GNAO1: variants seen among roughly 807,000 people sequenced by gnomAD.
GNAO1 encodes the protein guanine nucleotide-binding protein G(o) subunit alpha.
For synonymous variants in GNAO1, 164 were observed against 180.7 expected (o/e 0.91, Z 0.74); for missense variants, 166 against 478.7 (o/e 0.35, Z 6.10).
At chr16:56,250,076 G>A (rs2036786138) in intron 2 of GNAO1, among the ~76,000 whole-genome samples, 1 of 152,186 alleles carries the variant, frequency 6.6e-6, no homozygotes, top group South Asian at 2.1e-4. Context: ...AAACCATCAG[G>A]AAGAATTGGT....
intron 2 of GNAO1, among the ~76,000 whole-genome samples, chr16:56,266,846 G>A (rs971568992): frequency 5.3e-5 from 8 of 152,056 alleles, no homozygotes; most frequent in Admixed American, 1.3e-4. Context: ...CTCTTAACAC[G>A]TGCTCAGTAT....
At chr16:56,316,041 CA>C (rs2143617947) in intron 3 of GNAO1, among the ~76,000 whole-genome samples, 1 of 151,892 alleles carries the variant, frequency 6.6e-6, no homozygotes, top group East Asian at 1.9e-4. Flanking sequence ...GCCTGGGCAA[CA>C]AAGTGAGACT....
chr16:56,315,771 C>T (rs2037502840), intron 3 of GNAO1, among the ~76,000 whole-genome samples: 1 of 152,102 alleles, frequency 6.6e-6, no homozygotes, highest in Non-Finnish European at 1.5e-5. Context: ...GGGCCAGGCA[C>T]AGTGGATCAC....
At chr16:56,262,441 T>G (rs1160159088) in intron 2 of GNAO1, among the ~76,000 whole-genome samples, 2 of 152,188 alleles carry the variant, frequency 1.3e-5, no homozygotes, top group Non-Finnish European at 2.9e-5. Context: ...GACAGCAGCT[T>G]TTGTGGTCTT....
At chr16:56,346,025 C>T (rs13337678) in intron 6 of GNAO1, 576,129 of 984,750 alleles carry the variant, frequency 0.59, 170,220 homozygotes, top group African/African-American at 0.77. Flanking sequence ...GTCCCTAGAA[C>T]TGGGGCTGGA....
intron 2 of GNAO1, among the ~76,000 whole-genome samples, chr16:56,264,873 AGTG>A (rs1279300622): frequency 6.6e-6 from 1 of 151,046 alleles, no homozygotes; most frequent in Non-Finnish European, 1.5e-5. Flanking sequence ...TAATTACTAA[AGTG>A]GTCATAATTA....
At chr16:56,300,473 G>A (rs2037334151) in intron 3 of GNAO1, 1 of 152,204 alleles carries the variant, frequency 6.6e-6, no homozygotes, top group Non-Finnish European at 1.5e-5. Context: ...ACTGTCTTAA[G>A]TGGCTTGTAT....
intron 2 of GNAO1, among the ~76,000 whole-genome samples, chr16:56,232,852 C>G (rs920384174): frequency 6.6e-6 from 1 of 152,190 alleles, no homozygotes; most frequent in Non-Finnish European, 1.5e-5. Flanking sequence ...GACAGCTTCA[C>G]GAAGACATCT....
At chr16:56,266,520 C>T (rs1255623122) in intron 2 of GNAO1, among the ~76,000 whole-genome samples, 18 of 152,214 alleles carry the variant, frequency 1.2e-4, no homozygotes, top group Admixed American at 1.2e-3. Context: ...ACTGTCTGGC[C>T]CCCCAGCACC....
rs575340676 is a variant in GNAO1 at position 56,220,488 on chromosome 16, C to T, written c.161+27872C>T. 2.0e-5 allele frequency among the ~76,000 whole-genome samples: 3 copies of T among 152,270 alleles called. No homozygotes were observed. The East Asian group carries it at 5.8e-4, about 29-fold the overall frequency. ...GGTCCAAAACTGAGGTTCTTAATGT[C>T]TTTTGGGTCACAAACCCCTATGAGA... is the stretch of plus-strand genomic sequence containing the variant. On this transcript the variant is annotated intron_variant, in intron 2 of 8. Coordinates refer to ENST00000262493, the MANE Select transcript of GNAO1 (RefSeq NM_020988.3).
At chr16:56,300,049 G>GAAAT (rs1567474795) in intron 3 of GNAO1, among the ~76,000 whole-genome samples, 3 of 91,944 alleles carry the variant, frequency 3.3e-5, no homozygotes, top group African/African-American at 1.4e-4. Flanking sequence ...GCGCGCGCGC[G>GAAAT]CGCACGCACA....
intron 2 of GNAO1, among the ~76,000 whole-genome samples, chr16:56,233,036 G>A (rs2036605373): frequency 6.6e-6 from 1 of 152,200 alleles, no homozygotes; most frequent in South Asian, 2.1e-4. Flanking sequence ...TTGGGAGGTG[G>A]AGTATCATTG....
rs186981699 is a variant in GNAO1, at chr16:56,198,406, G to T, written c.161+5790G>T. ...AGGGGAAGGAGAGGAGAGAGCAGTGGCTTGTTAACTGGTTCAGATAAATAG... is the reference window on the plus strand; with the variant it reads ...AGGGGAAGGAGAGGAGAGAGCAGTGTCTTGTTAACTGGTTCAGATAAATAG... On this transcript the variant is annotated intron_variant, in intron 2 of 8. Transcript: ENST00000262493. Among the ~76,000 whole-genome samples, 254 of 152,322 alleles carry T rather than the reference G, an allele frequency of 1.7e-3. 2 individuals are homozygous for T. Among genetic ancestry groups the T allele is most frequent in the African/African-American group, 5.9e-3 (247 of 41,566 alleles).
At position 56,227,223 on chromosome 16, in the gene GNAO1, C is replaced by T. The variant is rs77950537; in HGVS notation, c.161+34607C>T. 7.5e-3 allele frequency among the ~76,000 whole-genome samples: 1,138 copies of T among 152,278 alleles called. 11 individuals are homozygous for T. Among genetic ancestry groups the T allele is most frequent in the Middle Eastern group, 0.037 (11 of 294 alleles). ...TGTTTTAGGCAAGTCTGCGCGCCCC[C>T]GCCACTGCTCCTGGCCTCCTCCATT... On this transcript the variant is annotated intron_variant, in intron 2 of 8. Transcript: ENST00000262493.
rs984892193 is a variant in GNAO1 at position 56,354,590 on chromosome 16, C to T, written c.878-276C>T. 3.3e-5 allele frequency among the ~76,000 whole-genome samples: 5 copies of T among 152,170 alleles called. No individual in the cohort carries two copies. Among genetic ancestry groups the T allele is most frequent in the South Asian group, 4.1e-4 (2 of 4,826 alleles). On this transcript the variant is annotated intron_variant, in intron 7 of 8. Transcript: ENST00000262493. The surrounding 1 kb of genome is among the most constrained non-coding windows in gnomAD (Gnocchi z 4.3). Reference sequence around the variant, plus strand: ...ACTCAGGAGGCTGAGGCAGGAGAATCGCTTGAACCTGGGAGGCAGAGGTTG... The same window carrying T: ...ACTCAGGAGGCTGAGGCAGGAGAATTGCTTGAACCTGGGAGGCAGAGGTTG...
chr16:56,278,432 A>G (rs2037083922), intron 3 of GNAO1, among the ~76,000 whole-genome samples: 1 of 152,202 alleles, frequency 6.6e-6, no homozygotes, highest in Admixed American at 6.5e-5. Context: ...AGCAAGCCAG[A>G]CAACTGGAAA....
intron 2 of GNAO1, among the ~76,000 whole-genome samples, chr16:56,210,902 A>G (rs1400392141): frequency 6.6e-6 from 1 of 152,118 alleles, no homozygotes; most frequent in African/African-American, 2.4e-5. Flanking sequence ...CATTTTTTGA[A>G]TTGCATTTTG....
At chr16:56,332,861 C>T (rs1354168892) in intron 4 of GNAO1, among the ~76,000 whole-genome samples, 5 of 152,282 alleles carry the variant, frequency 3.3e-5, no homozygotes, top group Non-Finnish European at 7.3e-5. Flanking sequence ...AGAGGGCGTC[C>T]TCACAGCTTG....
At chr16:56,341,517 G>C (rs1352204732) in intron 6 of GNAO1, among the ~76,000 whole-genome samples, 3 of 152,358 alleles carry the variant, frequency 2.0e-5, no homozygotes, top group African/African-American at 7.2e-5. Flanking sequence ...GCGTGGTGCC[G>C]CACATAGGAA....
Sources: allele counts gnomAD v4.1 joint callset (sites outside exome capture counted in the v4.1 genomes callset), GRCh38; gene constraint gnomAD v4.1.1; non-coding constraint Gnocchi (gnomAD v3.1); transcripts MANE v1.5; gene names NCBI Gene and HGNC (gene_info 2026-07-23, HGNC 2026-07-21).